The following PCDH7 variants were observed in gnomAD, a reference collection of about 807,000 sequenced individuals.
The protein encoded by PCDH7 is protocadherin 7, also known as protocadherin-7.
PCDH7 carries 17 observed loss-of-function variants against 58.9 expected under a neutral mutation model. The observed-to-expected ratio is 0.29, with a 90% CI of 0.20 to 0.43. The LOEUF (loss-of-function observed/expected upper bound fraction) is 0.43. PCDH7 is among the 20% of genes least tolerant of loss of function. The probability of loss-of-function intolerance (pLI) is 1.00; values close to 1 mark genes in which losing one functional copy is unlikely to be tolerated. For missense variants in PCDH7, 1,274 were observed against 1,441.0 expected (o/e 0.88, Z 1.88); for synonymous variants, 664 against 616.4 (o/e 1.08, Z -1.14).
chr4:30,808,497 T>G (rs1726548797), intron 1 of PCDH7, among the ~76,000 whole-genome samples: 1 of 152,178 alleles, frequency 6.6e-6, no homozygotes, highest in Admixed American at 6.5e-5. Flanking sequence ...TCCCTCTTAT[T>G]TTCACTACAA....
At chr4:30,875,079 T>C (rs1736121988) in intron 1 of PCDH7, among the ~76,000 whole-genome samples, 1 of 152,116 alleles carries the variant, frequency 6.6e-6, no homozygotes. Context: ...AGCACTGTTA[T>C]AACAAAATAC....
intron 3 of PCDH7, among the ~76,000 whole-genome samples, chr4:30,997,873 G>T (rs1328808160): frequency 1.3e-5 from 2 of 151,970 alleles, no homozygotes; most frequent in Non-Finnish European, 2.9e-5. Context: ...TAATCATAAA[G>T]TACCCAATAT....
At chr4:31,115,522 T>C (rs1716887834) in intron 3 of PCDH7, among the ~76,000 whole-genome samples, 4 of 152,318 alleles carry the variant, frequency 2.6e-5, no homozygotes, top group African/African-American at 9.6e-5. Context: ...ATGTAACTTA[T>C]TTTTCAAGTT....
At chr4:30,781,537 A>ATTT (rs753467213) in intron 1 of PCDH7, among the ~76,000 whole-genome samples, 1 of 131,904 alleles carries the variant, frequency 7.6e-6, no homozygotes. Context: ...CTATCTCTCT[A>ATTT]TTTTTTTTTT....
intron 1 of PCDH7, among the ~76,000 whole-genome samples, chr4:30,917,667 G>T (rs1742652933): frequency 6.6e-6 from 1 of 151,806 alleles, no homozygotes; most frequent in Non-Finnish European, 1.5e-5. Context: ...AATTTATAGA[G>T]ATTAAAATAT....
chr4:30,826,543 T>C (rs1171397504), intron 1 of PCDH7, among the ~76,000 whole-genome samples: 1 of 151,970 alleles, frequency 6.6e-6, no homozygotes, highest in Non-Finnish European at 1.5e-5. Context: ...GCCATCACTG[T>C]GGAAATAAGA....
intron 1 of PCDH7, among the ~76,000 whole-genome samples, chr4:30,740,683 GT>G (rs201277611): frequency 4.6e-5 from 7 of 150,878 alleles, no homozygotes; most frequent in Admixed American, 2.0e-4. Context: ...TTCTCTTGAG[GT>G]TTTTTTTTAA....
At chr4:30,879,752 G>A (rs1335637904) in intron 1 of PCDH7, among the ~76,000 whole-genome samples, 36 of 152,128 alleles carry the variant, frequency 2.4e-4, no homozygotes. Context: ...TACTGAAGCT[G>A]GTTTTGATTA....
Position 30,894,530 on chromosome 4 carries a change from C to T in PCDH7, c.71-25623C>T, listed in dbSNP as rs1192676045. Among the ~76,000 whole-genome samples the T allele has an allele frequency of 9.7e-3, 947 of 97,962 alleles. 5 individuals are homozygous for T. The highest frequency in any genetic ancestry group is 0.027 in the African/African-American group (590 of 22,174). 64.3% of individuals were successfully genotyped at this position (97,962 alleles called of 152,430 possible). A position where few individuals can be genotyped will look rare whatever the true frequency, so the allele number is the denominator to read the frequency against. On this transcript the variant is annotated intron_variant, in intron 1 of 3. Coordinates refer to the PCDH7 transcript ENST00000509759. The stretch of plus-strand genomic sequence containing the variant: ...ATATATATATATACACACACACACA[C>T]ACACACACACACACACACACACACA...
intron 3 of PCDH7, among the ~76,000 whole-genome samples, chr4:31,051,860 G>T (rs1756769551): frequency 6.6e-6 from 1 of 151,442 alleles, no homozygotes; most frequent in East Asian, 2.0e-4. Flanking sequence ...AATTGTTCAT[G>T]ATATTTCATT....
At chr4:30,739,273 G>T (rs922015437) in intron 1 of PCDH7, among the ~76,000 whole-genome samples, 2 of 149,822 alleles carry the variant, frequency 1.3e-5, no homozygotes, top group South Asian at 4.3e-4. Flanking sequence ...TTTTCCTTTG[G>T]TCAGCATTTC....
chr4:30,800,610 T>C (rs1725412516), intron 1 of PCDH7, among the ~76,000 whole-genome samples: 1 of 152,178 alleles, frequency 6.6e-6, no homozygotes, highest in Non-Finnish European at 1.5e-5. Flanking sequence ...TGAGGATATT[T>C]GGGAAAGGTT....
At chr4:30,834,364 T>C (rs1161963717) in intron 1 of PCDH7, among the ~76,000 whole-genome samples, 1 of 152,158 alleles carries the variant, frequency 6.6e-6, no homozygotes, top group East Asian at 1.9e-4. Flanking sequence ...GATAAAGCAA[T>C]ATATCAGATA....
chr4:30,918,121 T>C (rs1742716906), intron 1 of PCDH7, among the ~76,000 whole-genome samples: 1 of 152,218 alleles, frequency 6.6e-6, no homozygotes. Context: ...TGTTTGTTTT[T>C]AAACCCATTG....
intron 3 of PCDH7, among the ~76,000 whole-genome samples, chr4:30,979,135 G>T (rs1750328270): frequency 6.6e-6 from 1 of 151,790 alleles, no homozygotes; most frequent in South Asian, 2.1e-4. Context: ...GACCATCCTG[G>T]CTAACACAGT....
intron 1 of PCDH7, among the ~76,000 whole-genome samples, chr4:30,824,127 C>CTTTCTTTT (rs1560407879): frequency 9.7e-5 from 14 of 144,348 alleles, no homozygotes; most frequent in African/African-American, 3.1e-4. Flanking sequence ...TTCTTTCTTT[C>CTTTCTTTT]TTTCTTTCTT....
intron 3 of PCDH7, among the ~76,000 whole-genome samples, chr4:30,993,972 T>A (rs1040778975): frequency 6.6e-6 from 1 of 152,312 alleles, no homozygotes; most frequent in African/African-American, 2.4e-5. Context: ...AGTTGGTAAC[T>A]AGTTGAATAG....
intron 1 of PCDH7, among the ~76,000 whole-genome samples, chr4:30,879,959 T>G (rs553687986): frequency 6.6e-6 from 1 of 152,252 alleles, no homozygotes; most frequent in Admixed American, 6.5e-5. Context: ...TAAAATATTT[T>G]GCATACTTCA....
chr4:31,054,284 C>T (rs897454102), intron 3 of PCDH7, among the ~76,000 whole-genome samples: 3 of 152,130 alleles, frequency 2.0e-5, no homozygotes, highest in East Asian at 1.9e-4. Context: ...AACTTTTGAT[C>T]CCACAATCCA....
Sources: gnomAD v4.1 joint callset for allele counts (sites outside exome capture counted in the v4.1 genomes callset) on GRCh38, gnomAD v4.1.1 for gene constraint, MANE v1.5 for transcripts, NCBI Gene and HGNC (gene_info 2026-07-23, HGNC 2026-07-21) for gene names.